The following GPRIN1 variants were observed in gnomAD, a reference collection of about 807,000 sequenced individuals.
GPRIN1 encodes the protein G protein regulated inducer of neurite outgrowth 1.
In GPRIN1, 4 loss-of-function variants were observed where a neutral mutation model predicts 2.8. The observed-to-expected ratio is 1.45, with a 90% CI of 0.71 to 3.32. The LOEUF (loss-of-function observed/expected upper bound fraction) is 3.32, where lower values mean the gene tolerates loss of function less well. GPRIN1 is among the 30% of genes most tolerant of loss of function. The pLI is 0.01. For missense variants in GPRIN1, 1,322 were observed against 1,343.4 expected (o/e 0.98, Z 0.25); for synonymous variants, 589 against 589.9 (o/e 1.00, Z 0.02).
intron 1 of GPRIN1, among the ~76,000 whole-genome samples, chr5:176,604,271 C>G (rs1053802137): frequency 6.6e-6 from 1 of 152,098 alleles, no homozygotes; most frequent in African/African-American, 2.4e-5. Flanking sequence ...TCTGAGCCAG[C>G]CATGAAGAGC....
Position 176,597,442 on chromosome 5 carries a change from G to T in GPRIN1, c.2393C>A (p.Pro798Gln). ...PRTRDNFTKA[P>Q]SWEASAPPPP... is the part of the protein sequence containing the mutation. ...CGGCGGGGCGCTCGCCTCCCACGACGGCGCCTTGGTGAAGTTGTCGCGAGT... is the reference window on the plus strand; with the variant it reads ...CGGCGGGGCGCTCGCCTCCCACGACTGCGCCTTGGTGAAGTTGTCGCGAGT... Residue 798 changes from proline (P) to glutamine (Q), a missense_variant, in exon 2 of 2, where the codon CCG (proline) becomes CAG (glutamine). Coordinates refer to ENST00000303991, the MANE Select transcript of GPRIN1 (RefSeq NM_052899.3). The surrounding 1 kb of genome is among the most constrained non-coding windows in gnomAD (Gnocchi z 6.1). 1 of 1,303,214 alleles carries T rather than the reference G, an allele frequency of 7.7e-7. No homozygotes were observed. Among genetic ancestry groups the T allele is most frequent in the Non-Finnish European group, 9.7e-7 (1 of 1,030,358 alleles). The allele number at this position is 1,303,214 out of a possible 1,614,324, so 80.7% of individuals were successfully genotyped here. A position where few individuals can be genotyped will look rare whatever the true frequency, so the allele number is the denominator to read the frequency against.
chr5:176,596,649 TGTGATGG>T lies in GPRIN1; in HGVS notation c.*152_*158del, dbSNP rs1759038863. On this transcript the variant is annotated 3_prime_UTR_variant, in exon 2 of 2. Coordinates refer to ENST00000303991, the MANE Select transcript of GPRIN1 (RefSeq NM_052899.3). The surrounding 1 kb of genome is among the most constrained non-coding windows in gnomAD (Gnocchi z 5.2). ...TTGGTAGAAGGGGTTCTTCTGTATT[TGTGATGG>T]GAGGGGCTGGAAAGACGGGGACGCA... 1.9e-6 allele frequency: 1 copy of T among 527,684 alleles called. No individual in the cohort carries two copies. Among genetic ancestry groups the T allele is most frequent in the South Asian group, 8.6e-5 (1 of 11,686 alleles). 32.7% of individuals were successfully genotyped at this position (527,684 alleles called of 1,614,324 possible).
chr5:176,597,371 C>T lies in GPRIN1; in HGVS notation c.2464G>A (p.Val822Ile), dbSNP rs547807364. Residue 822 changes from valine to isoleucine, a missense_variant, in exon 2 of 2, where the codon GTC (valine) becomes ATC (isoleucine). Coordinates refer to ENST00000303991, the MANE Select transcript of GPRIN1 (RefSeq NM_052899.3). The surrounding 1 kb of genome is among the most constrained non-coding windows in gnomAD (Gnocchi z 6.1). ...GACATGGGGCTCACGGCCACTGAGA[C>T]GCAGGCCTGCGCGCCCGCCTGAGTG... ...AGTQAGAQACVSVAVSPMSPQ... is the reference protein window; with the variant it reads ...AGTQAGAQACISVAVSPMSPQ... The T allele has an allele frequency of 2.3e-3, 2,970 of 1,271,172 alleles. 8 individuals carry two copies. The highest frequency in any genetic ancestry group is 5.8e-3 in the South Asian group (203 of 35,218). The allele number at this position is 1,271,172 out of a possible 1,614,324, so 78.7% of individuals were successfully genotyped here. A position where few individuals can be genotyped will look rare whatever the true frequency, so the allele number is the denominator to read the frequency against.
At position 176,598,105 on chromosome 5, in the gene GPRIN1, G is replaced by A; in HGVS notation, c.1730C>T (p.Ser577Leu). The change falls in exon 2 of 2, where the codon TCA becomes TTA. Residue 577 changes from serine to leucine, a missense_variant. Around this residue, in one of 3 missense-constraint regions of GPRIN1, gnomAD observed 1,117 missense variants for 1,128.6 expected, o/e 0.99. Coordinates refer to ENST00000303991, the MANE Select transcript of GPRIN1 (RefSeq NM_052899.3). ...GDSVSIGKVV[S>L]TPGKTVPVPS... Reference sequence around the variant, plus strand: ...CACCGGGACTGTTTTTCCTGGAGTTGAGACCACTTTACCTATAGACACAGA... The same window carrying A: ...CACCGGGACTGTTTTTCCTGGAGTTAAGACCACTTTACCTATAGACACAGA... 1 of 1,613,364 alleles carries A rather than the reference G, an allele frequency of 6.2e-7. No homozygotes were observed. The highest frequency in any genetic ancestry group is 8.5e-7 in the Non-Finnish European group (1 of 1,180,014).
At chr5:176,609,277 G>C in intron 1 of GPRIN1, among the ~76,000 whole-genome samples, 1 of 152,162 alleles carries the variant, frequency 6.6e-6, no homozygotes, top group East Asian at 1.9e-4. Flanking sequence ...TTGTGATCAG[G>C]GAGTATTGTT....
Position 176,597,415 on chromosome 5 carries a change from G to C in GPRIN1, c.2420C>G (p.Pro807Arg), listed in dbSNP as rs898838037. 3 of 1,291,812 alleles carry C rather than the reference G, an allele frequency of 2.3e-6. No individual in the cohort carries two copies. Among genetic ancestry groups the C allele is most frequent in the African/African-American group, 1.6e-5 (1 of 64,492 alleles). 80.0% of individuals were successfully genotyped at this position (1,291,812 alleles called of 1,614,324 possible). A position where few individuals can be genotyped will look rare whatever the true frequency, so the allele number is the denominator to read the frequency against. The change falls in exon 2 of 2, where the codon CCG becomes CGG. Residue 807 changes from proline (P) to arginine (R), a missense_variant. Coordinates refer to ENST00000303991, the MANE Select transcript of GPRIN1 (RefSeq NM_052899.3). This position sits in a 1 kb window ranked among gnomAD's most constrained non-coding sequence, Gnocchi z 6.1. The part of the protein sequence containing the change: ...APSWEASAPP[P>R]PREDAGTQAG... Reference sequence around the variant, plus strand: ...CTGAGTGCCCGCGTCCTCGCGCGGCGGCGGCGGGGCGCTCGCCTCCCACGA... The same window carrying C: ...CTGAGTGCCCGCGTCCTCGCGCGGCCGCGGCGGGGCGCTCGCCTCCCACGA...
At chr5:176,601,920 G>A (rs1759153513) in intron 1 of GPRIN1, among the ~76,000 whole-genome samples, 1 of 152,164 alleles carries the variant, frequency 6.6e-6, no homozygotes, top group Non-Finnish European at 1.5e-5. Context: ...ACAGCAGCCA[G>A]AGGGATCTTA....
At chr5:176,604,293 C>T (rs746319331) in intron 1 of GPRIN1, among the ~76,000 whole-genome samples, 17 of 151,986 alleles carry the variant, frequency 1.1e-4, no homozygotes, top group South Asian at 2.1e-4. Context: ...GGAGTGGAGT[C>T]GGAAAGGGGG....
intron 1 of GPRIN1, among the ~76,000 whole-genome samples, chr5:176,608,122 G>A (rs1441064049): frequency 6.6e-6 from 1 of 151,808 alleles, no homozygotes; most frequent in Non-Finnish European, 1.5e-5. Flanking sequence ...GTCTTGGTAT[G>A]TTGCCCAAGC....
chr5:176,606,993 G>A (rs992523849), intron 1 of GPRIN1, among the ~76,000 whole-genome samples: 1 of 152,230 alleles, frequency 6.6e-6, no homozygotes, highest in Non-Finnish European at 1.5e-5. Context: ...AGAGAGCCTG[G>A]TCAGGGAGGT....
At chr5:176,608,933 C>T (rs1489475367) in intron 1 of GPRIN1, among the ~76,000 whole-genome samples, 2 of 152,244 alleles carry the variant, frequency 1.3e-5, no homozygotes, top group East Asian at 1.9e-4. Flanking sequence ...GTCTGCTGCC[C>T]CTCGTCCCCT....
At chr5:176,603,289 C>T (rs1759174664) in intron 1 of GPRIN1, among the ~76,000 whole-genome samples, 7 of 152,146 alleles carry the variant, frequency 4.6e-5, no homozygotes, top group Admixed American at 3.3e-4. Context: ...CTCTACACAC[C>T]CTCTTCTGGA....
chr5:176,598,636 G>C lies in GPRIN1; in HGVS notation c.1199C>G (p.Thr400Arg). Residue 400 changes from threonine (T) to arginine (R), a missense_variant, in exon 2 of 2, where the codon ACA becomes AGA. By Grantham distance (71) the Thr-to-Arg change is moderately conservative. Around this residue, in one of 3 missense-constraint regions of GPRIN1, gnomAD observed 1,117 missense variants for 1,128.6 expected, o/e 0.99. Coordinates refer to ENST00000303991, the MANE Select transcript of GPRIN1 (RefSeq NM_052899.3). ...CACATTTTTCAAAGATGTGAGATCT[G>C]TCTTTGCTGAAGCCGTAGTATCCGT... is the stretch of plus-strand genomic sequence containing the variant. ...GHTDTTASAK[T>R]DLTSLKNVDP... The C allele has an allele frequency of 1.2e-6, 2 of 1,614,170 alleles. No individual in the cohort carries two copies. Among genetic ancestry groups the C allele is most frequent in the Non-Finnish European group, 1.7e-6 (2 of 1,180,040 alleles).
Position 176,596,973 on chromosome 5 carries a change from C to T in GPRIN1, c.2862G>A (p.Ala954=). 7.4e-7 allele frequency: 1 copy of T among 1,359,018 alleles called. No homozygotes were observed. Among genetic ancestry groups the T allele is most frequent in the Non-Finnish European group, 9.5e-7 (1 of 1,053,228 alleles). The allele number at this position is 1,359,018 out of a possible 1,614,324, so 84.2% of individuals were successfully genotyped here. A position where few individuals can be genotyped will look rare whatever the true frequency, so the allele number is the denominator to read the frequency against. ...CACGGGCGGCGGGCGGCGGCGCGGG[C>T]GCCCCTTGGCGGCCGTGCTCCTCGA... ...RQIEEHGRQG[A]PAPPPAARAG... Residue 954 remains alanine, a synonymous_variant, in exon 2 of 2, where the codon GCG becomes GCA. Coordinates refer to ENST00000303991, the MANE Select transcript of GPRIN1 (RefSeq NM_052899.3). The surrounding 1 kb of genome is among the most constrained non-coding windows in gnomAD (Gnocchi z 5.2).
At position 176,595,875 on chromosome 5, in the gene GPRIN1, C is replaced by A. The variant is rs1396892519; in HGVS notation, c.*933G>T. 7 of 476,350 alleles carry A rather than the reference C, an allele frequency of 1.5e-5. No individual in the cohort carries two copies. The highest frequency in any genetic ancestry group is 2.2e-5 in the Non-Finnish European group (6 of 278,410). The allele number at this position is 476,350 out of a possible 1,614,324, so 29.5% of individuals were successfully genotyped here. A position where few individuals can be genotyped will look rare whatever the true frequency, so the allele number is the denominator to read the frequency against. On this transcript the variant is annotated 3_prime_UTR_variant, in exon 2 of 2. Transcript: ENST00000303991. ...AAAACTGCGGCTGGAGGGGTGGGGA[C>A]GGGACACTGAGTGGTCACAAGGGAC...
In GPRIN1 at chr5:176,602,522, T is replaced by A. The variant is rs1358231119; in HGVS notation, c.-43-2645A>T. On this transcript the variant is annotated intron_variant, in intron 1 of 1. Transcript: ENST00000303991. The surrounding 1 kb of genome is among the most constrained non-coding windows in gnomAD (Gnocchi z 4.4). ...CCATGAATGACTGAATGACCTAAGATGCAGAGCCACCTGTGCCCTCCTTGG... is the reference window on the plus strand; with the variant it reads ...CCATGAATGACTGAATGACCTAAGAAGCAGAGCCACCTGTGCCCTCCTTGG... Among the ~76,000 whole-genome samples, 3 of 152,182 alleles carry A rather than the reference T, an allele frequency of 2.0e-5. No individual in the cohort carries two copies. The highest frequency in any genetic ancestry group is 4.4e-5 in the Non-Finnish European group (3 of 68,026).
At chr5:176,600,745 C>T (rs540050117) in intron 1 of GPRIN1, among the ~76,000 whole-genome samples, 6 of 152,162 alleles carry the variant, frequency 3.9e-5, no homozygotes, top group South Asian at 2.1e-4. Flanking sequence ...GTAACCCCCT[C>T]TCTACTAAAT....
chr5:176,607,050 T>C (rs542448128), intron 1 of GPRIN1, among the ~76,000 whole-genome samples: 1 of 152,368 alleles, frequency 6.6e-6, no homozygotes, highest in South Asian at 2.1e-4. Flanking sequence ...ACATCCTCTA[T>C]GACTCTGAGT....
At chr5:176,603,310 C>T (rs1196948891) in intron 1 of GPRIN1, among the ~76,000 whole-genome samples, 3 of 152,142 alleles carry the variant, frequency 2.0e-5, no homozygotes, top group African/African-American at 7.2e-5. Flanking sequence ...GGAATCTCTC[C>T]CTCCCTTCTT....
Sources: allele counts gnomAD v4.1 joint callset (sites outside exome capture counted in the v4.1 genomes callset), GRCh38; gene constraint gnomAD v4.1.1; regional missense constraint gnomAD v4.1.1; non-coding constraint Gnocchi (gnomAD v3.1); transcripts MANE v1.5; gene names NCBI Gene and HGNC (gene_info 2026-07-23, HGNC 2026-07-21).